The following CALN1 variants were observed in gnomAD, a reference collection of about 807,000 sequenced individuals.
CALN1 encodes calneuron 1, also known as calcium-binding protein 8.
A neutral mutation model predicts 30.6 loss-of-function variants in CALN1; 17 were observed. The ratio of observed to expected loss-of-function variants is 0.56; its 90% confidence interval spans 0.38 to 0.83. The LOEUF is 0.83. CALN1 is among the 40% of genes least tolerant of loss of function. The pLI is 0.00. For synonymous variants in CALN1, 156 were observed against 131.4 expected, an observed-to-expected ratio of 1.19 and a Z score of -1.28; for missense variants, 291 against 354.9, an observed-to-expected ratio of 0.82 and a Z score of 1.45.
At chr7:72,111,999 C>G (rs540973391) in intron 3 of CALN1, among the ~76,000 whole-genome samples, 3 of 152,220 alleles carry the variant, frequency 2.0e-5, no homozygotes, top group African/African-American at 4.8e-5. Context: ...GATCCACCCC[C>G]CTCTGCTTCC....
At chr7:72,070,202 C>T (rs1804294098) in intron 4 of CALN1, among the ~76,000 whole-genome samples, 1 of 152,206 alleles carries the variant, frequency 6.6e-6, no homozygotes. Context: ...AAAGGGAGGG[C>T]AGAGGAAGGT....
At chr7:72,080,148 T>C (rs1023201599) in intron 4 of CALN1, among the ~76,000 whole-genome samples, 5 of 152,282 alleles carry the variant, frequency 3.3e-5, no homozygotes, top group South Asian at 2.1e-4. Context: ...ACTGTAAACA[T>C]GTCCTATGAA....
At chr7:71,855,481 T>G (rs556815585) in intron 5 of CALN1, among the ~76,000 whole-genome samples, 1 of 152,248 alleles carries the variant, frequency 6.6e-6, no homozygotes, top group South Asian at 2.1e-4. Context: ...CCAAAGGCCA[T>G]AAATGTCACC....
In CALN1 at chr7:72,023,777, GAGA is replaced by G. The variant is rs760082603; in HGVS notation, c.389-11_389-9del. On this transcript the variant is annotated splice_polypyrimidine_tract_variant and intron_variant, in intron 4 of 6. Transcript: ENST00000395275. ...AATCCACCTGGCCATCCCCTGCAAG[GAGA>G]AGATGTAAATATGAGTTGCAAACAA... The G allele has an allele frequency of 5.3e-5, 86 of 1,609,678 alleles. No individual in the cohort carries two copies. The highest frequency in any genetic ancestry group is 8.8e-5 in the South Asian group (8 of 90,852).
At chr7:72,061,550 G>A (rs1002543505) in intron 4 of CALN1, among the ~76,000 whole-genome samples, 2 of 151,442 alleles carry the variant, frequency 1.3e-5, no homozygotes, top group Non-Finnish European at 2.9e-5. Flanking sequence ...CAGCAAAGAA[G>A]CTCTATAGAG....
At chr7:72,106,449 CAGAAG>C (rs1807117383) in intron 3 of CALN1, among the ~76,000 whole-genome samples, 155 bp from the exon 4 acceptor site, 1 of 136,936 alleles carries the variant, frequency 7.3e-6, no homozygotes, top group African/African-American at 2.8e-5. Flanking sequence ...AGAAGAAGAA[CAGAAG>C]AAAAGAAACG....
At chr7:71,810,183 C>CA (rs1426810937) in intron 6 of CALN1, among the ~76,000 whole-genome samples, 153 bp downstream of exon 6, 2 of 152,096 alleles carry the variant, frequency 1.3e-5, no homozygotes, top group Non-Finnish European at 1.5e-5. Context: ...CGCATCTTAG[C>CA]AAAAAAGATC....
Position 72,169,489 on chromosome 7 carries a change from A to T in CALN1, c.245-63195T>A, listed in dbSNP as rs117081580. Among the ~76,000 whole-genome samples the T allele has an allele frequency of 5.8e-4, 50 of 86,782 alleles. No homozygotes were observed. The South Asian group carries it at 6.2e-3, about 11-fold the overall frequency. The allele number at this position is 86,782 out of a possible 152,430, so 56.9% of individuals were successfully genotyped here. A position where few individuals can be genotyped will look rare whatever the true frequency, so the allele number is the denominator to read the frequency against. ...TGCATGCCACCACACCCAGCTGATT[A>T]TTTTTTTTTTTTTTTCAGATACAGA... On this transcript the variant is annotated intron_variant, in intron 3 of 6. Transcript: ENST00000395275.
chr7:71,926,084 C>A (rs1000188342), intron 5 of CALN1, among the ~76,000 whole-genome samples: 7 of 152,136 alleles, frequency 4.6e-5, no homozygotes, highest in Non-Finnish European at 1.0e-4. Flanking sequence ...GCCTTGAAGC[C>A]TCAGTTTGGC....
chr7:72,395,972 G>A (rs1451584853), intron 2 of CALN1, among the ~76,000 whole-genome samples: 5 of 151,976 alleles, frequency 3.3e-5, no homozygotes, highest in Non-Finnish European at 7.4e-5. Context: ...GATACATTTT[G>A]ACGTTGAGCT....
rs1265935315 is a variant in CALN1 at position 72,232,526 on chromosome 7, T to C, written c.244+46160A>G. The stretch of plus-strand genomic sequence containing the variant: ...CCCAGGCTGTAGTGCAGTGGCACCA[T>C]CTTGGCTCACTACAACCTCCGCTTC... On this transcript the variant is annotated intron_variant, in intron 3 of 6. Coordinates refer to ENST00000395275, the MANE Select transcript of CALN1 (RefSeq NM_031468.4). Among the ~76,000 whole-genome samples the C allele has an allele frequency of 2.6e-5, 4 of 152,204 alleles. No individual in the cohort carries two copies. In the South Asian group the frequency reaches 6.2e-4, roughly 24 times the overall value.
intron 4 of CALN1, among the ~76,000 whole-genome samples, chr7:72,086,592 C>A (rs1423691363): frequency 2.0e-5 from 3 of 152,080 alleles, no homozygotes; most frequent in African/African-American, 7.2e-5. Flanking sequence ...TGCCACCATG[C>A]CTGGCTACAT....
chr7:72,048,291 G>A (rs1484335056), intron 4 of CALN1, among the ~76,000 whole-genome samples: 6 of 152,014 alleles, frequency 3.9e-5, no homozygotes, highest in African/African-American at 7.2e-5. Flanking sequence ...CACCCGCCTC[G>A]GCCTCCAAAA....
At chr7:72,173,843 CAA>C (rs969335242) in intron 3 of CALN1, among the ~76,000 whole-genome samples, 4 of 151,568 alleles carry the variant, frequency 2.6e-5, no homozygotes, top group African/African-American at 9.7e-5. Context: ...ACATTGGGAA[CAA>C]AAGACAAGAG....
chr7:72,436,764 C>G (rs1808172590), intron 1 of CALN1, among the ~76,000 whole-genome samples: 1 of 152,138 alleles, frequency 6.6e-6, no homozygotes, highest in African/African-American at 2.4e-5. Flanking sequence ...CTCAGCATCA[C>G]CTGGGAAAGC....
chr7:71,949,044 TAAAAAAAAAA>T (rs34370568), intron 5 of CALN1, among the ~76,000 whole-genome samples: 5 of 66,928 alleles, frequency 7.5e-5, no homozygotes, highest in African/African-American at 1.8e-4. Context: ...CTCTGTCTCT[TAAAAAAAAAA>T]AAAAAAAAAA....
chr7:72,409,102 TCTC>T lies in CALN1; in HGVS notation c.-74+2953_-74+2955del, dbSNP rs1011763716. Among the ~76,000 whole-genome samples the T allele has an allele frequency of 6.6e-5, 10 of 151,114 alleles. No individual in the cohort carries two copies. The East Asian group carries it at 1.4e-3, about 21-fold the overall frequency. ...CTTCCGCCTCCCGGATTCAAGAGAT[TCTC>T]CTGACTCAGCCTCCCCAGTAGCTGG... On this transcript the variant is annotated intron_variant, in intron 1 of 6. Transcript: ENST00000395275.
intron 5 of CALN1, among the ~76,000 whole-genome samples, chr7:71,833,876 C>T (rs1394503359): frequency 1.3e-5 from 2 of 152,010 alleles, no homozygotes; most frequent in Non-Finnish European, 2.9e-5. Flanking sequence ...CTACTGTACC[C>T]TAGCCTGGGC....
intron 2 of CALN1, among the ~76,000 whole-genome samples, chr7:72,280,571 T>C (rs1236333608): frequency 6.6e-6 from 1 of 152,228 alleles, no homozygotes; most frequent in Non-Finnish European, 1.5e-5. Context: ...CAAAAAGCTT[T>C]AAAAGGAAGA....
Sources: allele counts gnomAD v4.1 joint callset (sites outside exome capture counted in the v4.1 genomes callset), GRCh38; gene constraint gnomAD v4.1.1; transcripts MANE v1.5; gene names NCBI Gene and HGNC (gene_info 2026-07-23, HGNC 2026-07-21).